BCKDHB: variants seen among roughly 807,000 people sequenced by gnomAD.
BCKDHB encodes branched chain keto acid dehydrogenase E1 subunit beta.
Under a neutral mutation model 48.5 loss-of-function variants are expected in BCKDHB, and 41 were observed. That is an observed-to-expected ratio of 0.85 (90% confidence interval 0.66 to 1.10). BCKDHB has a LOEUF of 1.10. Ranked by LOEUF, BCKDHB falls within the 50% of genes least tolerant of loss-of-function variation. BCKDHB has a pLI of 0.00. For missense variants in BCKDHB, 496 were observed against 494.2 expected (o/e 1.00, Z -0.03); for synonymous variants, 201 against 174.8 (o/e 1.15, Z -1.18).
intron 8 of BCKDHB, among the ~76,000 whole-genome samples, chr6:80,220,398 TAGTAG>T (rs1775381150): frequency 7.6e-6 from 1 of 132,366 alleles, no homozygotes; most frequent in East Asian, 2.2e-4. Context: ...TCTGTTTCTT[TAGTAG>T]TGTTTTTTTT....
the BCKDHB span, among the ~76,000 whole-genome samples, chr6:80,438,063 CA>C: frequency 6.6e-6 from 1 of 152,286 alleles, no homozygotes; most frequent in East Asian, 1.9e-4. Context: ...ATATCTGGGT[CA>C]ACATCTGGCT....
chr6:80,431,828 T>C, the BCKDHB span, among the ~76,000 whole-genome samples: 1 of 152,304 alleles, frequency 6.6e-6, no homozygotes, highest in South Asian at 2.1e-4. Context: ...CATTTAAGAT[T>C]AATCTATTGT....
At chr6:80,455,308 A>G in the BCKDHB span, among the ~76,000 whole-genome samples, 21 of 152,168 alleles carry the variant, frequency 1.4e-4, no homozygotes, top group Middle Eastern at 3.4e-3. Flanking sequence ...CAAGATTTCT[A>G]CAAATTCTGG....
At chr6:80,458,887 C>G in the BCKDHB span, among the ~76,000 whole-genome samples, 1 of 152,000 alleles carries the variant, frequency 6.6e-6, no homozygotes, top group African/African-American at 2.4e-5. Flanking sequence ...ATCAGTGTCA[C>G]TAATCATCAG....
intron 9 of BCKDHB, among the ~76,000 whole-genome samples, chr6:80,334,286 T>C (rs1469220213): frequency 6.6e-6 from 1 of 152,094 alleles, no homozygotes; most frequent in African/African-American, 2.4e-5. Flanking sequence ...TTTGAACTCA[T>C]CATGCTAGCA....
At chr6:80,179,599 C>A (rs980658390) in intron 6 of BCKDHB, among the ~76,000 whole-genome samples, 4 of 152,094 alleles carry the variant, frequency 2.6e-5, no homozygotes, top group Non-Finnish European at 4.4e-5. Flanking sequence ...AGTCCTGAAC[C>A]AAACCCCCAT....
At chr6:80,323,623 A>G (rs918637594) in intron 9 of BCKDHB, among the ~76,000 whole-genome samples, 1 of 152,118 alleles carries the variant, frequency 6.6e-6, no homozygotes, top group Non-Finnish European at 1.5e-5. Context: ...TATTTCCCTA[A>G]CATACACTTT....
chr6:80,174,500 CT>C (rs1414544800), intron 6 of BCKDHB, among the ~76,000 whole-genome samples: 1 of 152,098 alleles, frequency 6.6e-6, no homozygotes, highest in African/African-American at 2.4e-5. Flanking sequence ...ATATATGTGC[CT>C]TTCATAGGCC....
chr6:80,107,096 C>T (rs1038423502), intron 1 of BCKDHB, among the ~76,000 whole-genome samples: 2 of 151,736 alleles, frequency 1.3e-5, no homozygotes, highest in South Asian at 4.2e-4. Flanking sequence ...GAGACGCAGT[C>T]CCCCCTCCCC....
chr6:80,192,031 A>T (rs1038583328), intron 6 of BCKDHB, among the ~76,000 whole-genome samples: 4 of 152,244 alleles, frequency 2.6e-5, no homozygotes, highest in Admixed American at 6.5e-5. Flanking sequence ...GGATTTCTTC[A>T]TGAATTTTAG....
intron 8 of BCKDHB, among the ~76,000 whole-genome samples, chr6:80,242,402 A>G (rs954718387): frequency 6.6e-6 from 1 of 152,174 alleles, no homozygotes; most frequent in African/African-American, 2.4e-5. Context: ...ATAGCTTTAT[A>G]ATAAATTTGA....
intron 8 of BCKDHB, among the ~76,000 whole-genome samples, chr6:80,259,338 C>T (rs543525975): frequency 1.2e-4 from 19 of 152,266 alleles, no homozygotes; most frequent in Non-Finnish European, 2.5e-4. Flanking sequence ...TTCAGAATTA[C>T]GGTTGGCAGT....
chr6:80,163,325 T>C (rs199769659), intron 3 of BCKDHB, among the ~76,000 whole-genome samples: 1 of 149,584 alleles, frequency 6.7e-6, no homozygotes, highest in African/African-American at 2.5e-5. Flanking sequence ...TTTTTTTTTT[T>C]TCTCTTCTCT....
At position 80,144,581 on chromosome 6, in the gene BCKDHB, A is replaced by T. The variant is rs145473344; in HGVS notation, c.343+15352A>T. Among the ~76,000 whole-genome samples the T allele has an allele frequency of 1.7e-3, 263 of 152,224 alleles. 1 individual carries two copies. Among genetic ancestry groups the T allele is most frequent in the African/African-American group, 6.0e-3 (249 of 41,538 alleles). Reference sequence around the variant, plus strand: ...TCCAACCTACCCAGCCTCTTCTGATATCTCTTAGACACTTGTAAGCAGAAT... The same window carrying T: ...TCCAACCTACCCAGCCTCTTCTGATTTCTCTTAGACACTTGTAAGCAGAAT... On this transcript the variant is annotated intron_variant, in intron 3 of 9. Coordinates refer to ENST00000320393, the MANE Select transcript of BCKDHB (RefSeq NM_183050.4).
chr6:80,162,472 A>G (rs1190036356), intron 3 of BCKDHB, among the ~76,000 whole-genome samples: 5 of 152,090 alleles, frequency 3.3e-5, no homozygotes, highest in Non-Finnish European at 7.3e-5. Flanking sequence ...TCTCCATTTT[A>G]TTAATTTTCT....
At chr6:80,165,343 TC>T (rs1456272813) in intron 3 of BCKDHB, among the ~76,000 whole-genome samples, 4 of 152,150 alleles carry the variant, frequency 2.6e-5, no homozygotes, top group African/African-American at 9.7e-5. Context: ...CAGAAGATAG[TC>T]ACAGATCATG....
At position 80,343,697 on chromosome 6, in the gene BCKDHB, T is replaced by C; in HGVS notation, c.1072T>C (p.Ser358Pro). The C allele has an allele frequency of 6.2e-7, 1 of 1,614,014 alleles. No homozygotes were observed. Among genetic ancestry groups the C allele is most frequent in the Non-Finnish European group, 8.5e-7 (1 of 1,179,946 alleles). Residue 358 changes from serine to proline, a missense_variant, in exon 10 of 10, where the codon TCA becomes CCA. Coordinates refer to ENST00000320393, the MANE Select transcript of BCKDHB (RefSeq NM_183050.4). Reference protein sequence around the residue: ...ECFLNLEAPISRVCGYDTPFP... With the variant: ...ECFLNLEAPIPRVCGYDTPFP... ...TTTCTTGAACCTAGAGGCTCCTATA[T>C]CAAGAGTATGTGGTTATGACACACC...
chr6:80,248,617 A>G (rs1425845298), intron 8 of BCKDHB, among the ~76,000 whole-genome samples: 2 of 152,110 alleles, frequency 1.3e-5, no homozygotes, highest in Non-Finnish European at 2.9e-5. Flanking sequence ...TGCTGGAGGT[A>G]GAGCTGAAGT....
chr6:80,246,726 G>C (rs1281876078), intron 8 of BCKDHB, among the ~76,000 whole-genome samples: 2 of 152,102 alleles, frequency 1.3e-5, no homozygotes, highest in African/African-American at 2.4e-5. Flanking sequence ...TCAGAAGCTG[G>C]GCAGAAGCTC....
Sources: gnomAD v4.1 joint callset for allele counts (sites outside exome capture counted in the v4.1 genomes callset) on GRCh38, gnomAD v4.1.1 for gene constraint, MANE v1.5 for transcripts, NCBI Gene and HGNC (gene_info 2026-07-23, HGNC 2026-07-21) for gene names.